Variants in BSPRY observed in about 807,000 individuals in gnomAD.
BSPRY encodes the protein B box and SPRY domain-containing protein.
A neutral mutation model predicts 38.0 loss-of-function variants in BSPRY; 33 were observed. That is an observed-to-expected ratio of 0.87 (90% CI 0.66 to 1.16). BSPRY has a LOEUF of 1.16. Among genes scored for constraint, BSPRY ranks in the 50% most tolerant of loss-of-function variants. The pLI, the probability that BSPRY is intolerant of heterozygous loss-of-function variation, is 0.00. For missense variants in BSPRY, 523 were observed against 533.2 expected, an observed-to-expected ratio of 0.98 and a Z score of 0.19; for synonymous variants, 224 against 228.5, an observed-to-expected ratio of 0.98 and a Z score of 0.18.
rs1284939366 is a variant in BSPRY at position 113,349,659 on chromosome 9, A to G, written c.80A>G (p.Gln27Arg). Residue 27 changes from glutamine (Q) to arginine (R), a missense_variant, in exon 1 of 6, where the codon CAG (glutamine) becomes CGG (arginine). By Grantham distance (43) the Gln-to-Arg change is conservative. Coordinates refer to ENST00000374183, the MANE Select transcript of BSPRY (RefSeq NM_017688.3). Reference protein sequence around the residue: ...GPGPLCPEHGQALSWFCGSER... With the variant: ...GPGPLCPEHGRALSWFCGSER... ...GGGCCACTCTGCCCCGAACACGGCC[A>G]GGCTCTGAGCTGGTTCTGCGGCTCC... is the stretch of plus-strand genomic sequence containing the variant. The G allele has an allele frequency of 1.2e-5, 15 of 1,236,644 alleles. No individual in the cohort carries two copies. Among genetic ancestry groups the G allele is most frequent in the Non-Finnish European group, 1.5e-5 (15 of 988,564 alleles). 76.6% of individuals were successfully genotyped at this position (1,236,644 alleles called of 1,614,324 possible).
intron 1 of BSPRY, among the ~76,000 whole-genome samples, chr9:113,353,406 T>G (rs1834001225): frequency 1.3e-5 from 2 of 150,428 alleles, no homozygotes; most frequent in Admixed American, 6.6e-5. Context: ...TAAATAAATT[T>G]AAAAAGAAAC....
chr9:113,371,020 CTGCTGGCT>C lies in BSPRY; in HGVS notation c.*879_*886del, dbSNP rs1834342830. On this transcript the variant is annotated 3_prime_UTR_variant, in exon 6 of 6. Coordinates refer to ENST00000374183, the MANE Select transcript of BSPRY (RefSeq NM_017688.3). The stretch of plus-strand genomic sequence containing the variant: ...TCTCCAGGTAACCCGACTGTAGCCC[CTGCTGGCT>C]GAGCTCCAGCCTGTGCCCACTGATA... 2 of 152,258 alleles carry C rather than the reference CTGCTGGCT, an allele frequency of 1.3e-5. No homozygotes were observed. Among genetic ancestry groups the C allele is most frequent in the Admixed American group, 6.5e-5 (1 of 15,290 alleles). 9.4% of individuals were successfully genotyped at this position (152,258 alleles called of 1,614,324 possible).
At chr9:113,365,679 CCTCACTCAG>C (rs1834235673) in intron 4 of BSPRY, among the ~76,000 whole-genome samples, 1 of 151,520 alleles carries the variant, frequency 6.6e-6, no homozygotes, top group East Asian at 1.9e-4. Context: ...TGCTTCTAGG[CCTCACTCAG>C]CTCACTCAGC....
At chr9:113,353,904 T>C (rs899265439) in intron 1 of BSPRY, among the ~76,000 whole-genome samples, 2 of 152,098 alleles carry the variant, frequency 1.3e-5, no homozygotes, top group Non-Finnish European at 2.9e-5. Context: ...ATTATAATGA[T>C]AGGCTGGGGT....
At chr9:113,362,312 A>G in intron 3 of BSPRY, 57 bp from the exon 4 acceptor site, 1 of 1,601,134 alleles carries the variant, frequency 6.2e-7, no homozygotes, top group Non-Finnish European at 8.6e-7. Flanking sequence ...CTGTCTTAGC[A>G]TTGACTCCCT....
chr9:113,350,437 A>C (rs1410503633), intron 1 of BSPRY, among the ~76,000 whole-genome samples: 1 of 152,210 alleles, frequency 6.6e-6, no homozygotes, highest in South Asian at 2.1e-4. Context: ...GGTAGGGAGA[A>C]TATCAGGGGA....
Position 113,369,676 on chromosome 9 carries a change from A to C in BSPRY, c.743A>C (p.Asp248Ala). 1.2e-6 allele frequency: 2 copies of C among 1,614,214 alleles called. No individual in the cohort carries two copies. The highest frequency in any genetic ancestry group is 2.7e-5 in the African/African-American group (2 of 75,062). Reference protein sequence around the residue: ...TVSPFLQLSDDRKTLTFSTKK... With the variant: ...TVSPFLQLSDARKTLTFSTKK... ...AGCCCCTTCCTGCAATTGTCAGATG[A>C]TCGAAAGACCCTGACCTTCAGCACC... The change falls in exon 6 of 6, where the codon GAT becomes GCT. Residue 248 changes from aspartate to alanine, a missense_variant. Transcript: ENST00000374183.
intron 5 of BSPRY, among the ~76,000 whole-genome samples, 159 bp downstream of exon 5, chr9:113,368,542 C>T (rs531175245): frequency 1.3e-5 from 2 of 152,306 alleles, no homozygotes; most frequent in African/African-American, 4.8e-5. Flanking sequence ...AGGTTCCAGA[C>T]AGGCCTGGGG....
Position 113,370,231 on chromosome 9 carries a change from G to A in BSPRY, c.*89G>A. 1 of 1,446,664 alleles carries A rather than the reference G, an allele frequency of 6.9e-7. No homozygotes were observed. Among genetic ancestry groups the A allele is most frequent in the Non-Finnish European group, 9.3e-7 (1 of 1,076,400 alleles). 89.6% of individuals were successfully genotyped at this position (1,446,664 alleles called of 1,614,324 possible). On this transcript the variant is annotated 3_prime_UTR_variant, in exon 6 of 6. Coordinates refer to ENST00000374183, the MANE Select transcript of BSPRY (RefSeq NM_017688.3). The surrounding 1 kb of genome is among the most constrained non-coding windows in gnomAD (Gnocchi z 4.8). Reference sequence around the variant, plus strand: ...GTGCTTTTCCCAAATGATGTGTGTGGTGTTTCTAAGAGAAACAGGGCCCAT... The same window carrying A: ...GTGCTTTTCCCAAATGATGTGTGTGATGTTTCTAAGAGAAACAGGGCCCAT...
chr9:113,368,529 T>A (rs1261578065), intron 5 of BSPRY, 146 bp downstream of exon 5: 5 of 1,150,032 alleles, frequency 4.3e-6, no homozygotes, highest in Non-Finnish European at 6.1e-6. Flanking sequence ...GTCAGTAGGG[T>A]CAAGGTTCCA....
chr9:113,367,681 C>G lies in BSPRY; in HGVS notation c.558-578C>G, dbSNP rs532958486. Among the ~76,000 whole-genome samples the G allele has an allele frequency of 2.0e-5, 3 of 152,332 alleles. No homozygotes were observed. In the South Asian group the frequency reaches 6.2e-4, roughly 32 times the overall value. On this transcript the variant is annotated intron_variant, in intron 4 of 5. Transcript: ENST00000374183. ...CTGGCAAGTTGCTTCCTCTGCAGAGCACACCACCTTCAATTTCTAATACTG... is the reference window on the plus strand; with the variant it reads ...CTGGCAAGTTGCTTCCTCTGCAGAGGACACCACCTTCAATTTCTAATACTG...
At chr9:113,360,337 G>A (rs1245648850) in intron 2 of BSPRY, among the ~76,000 whole-genome samples, 170 bp from the exon 3 acceptor site, 1 of 152,142 alleles carries the variant, frequency 6.6e-6, no homozygotes, top group Non-Finnish European at 1.5e-5. Context: ...GGGAAGTCTT[G>A]GGGCAGAGAT....
At position 113,352,529 on chromosome 9, in the gene BSPRY, G is replaced by A. The variant is rs529252189; in HGVS notation, c.202-1711G>A. 4.7e-5 allele frequency among the ~76,000 whole-genome samples: 7 copies of A among 147,462 alleles called. No individual in the cohort carries two copies. The South Asian group carries it at 1.5e-3, about 32-fold the overall frequency. On this transcript the variant is annotated intron_variant, in intron 1 of 5. Coordinates refer to ENST00000374183, the MANE Select transcript of BSPRY (RefSeq NM_017688.3). ...GACTGGTGGAAACGGAACTGCAGGT[G>A]CAAAGGCACTGAAGTCAGGACAAGT...
At chr9:113,362,475 T>C in intron 4 of BSPRY, 81 bp downstream of exon 4, 6 of 1,452,804 alleles carry the variant, frequency 4.1e-6, no homozygotes, top group Non-Finnish European at 5.8e-6. Flanking sequence ...TCAGCCCTGC[T>C]GCTCTTGGGA....
At position 113,370,209 on chromosome 9, in the gene BSPRY, C is replaced by A; in HGVS notation, c.*67C>A. 6.7e-7 allele frequency: 1 copy of A among 1,489,384 alleles called. No individual in the cohort carries two copies. The highest frequency in any genetic ancestry group is 9.0e-7 in the Non-Finnish European group (1 of 1,111,576). 92.3% of individuals were successfully genotyped at this position (1,489,384 alleles called of 1,614,324 possible). On this transcript the variant is annotated 3_prime_UTR_variant, in exon 6 of 6. Transcript: ENST00000374183. This position sits in a 1 kb window ranked among gnomAD's most constrained non-coding sequence, Gnocchi z 4.8. ...TCAGGCCATGTTTCTACTCAGTGTG[C>A]TTTTCCCAAATGATGTGTGTGGTGT...
rs901595073 is a variant in BSPRY, at chr9:113,370,224, G to A, written c.*82G>A. ...ACTCAGTGTGCTTTTCCCAAATGAT[G>A]TGTGTGGTGTTTCTAAGAGAAACAG... On this transcript the variant is annotated 3_prime_UTR_variant, in exon 6 of 6. Transcript: ENST00000374183. This position sits in a 1 kb window ranked among gnomAD's most constrained non-coding sequence, Gnocchi z 4.8. 2 of 1,460,674 alleles carry A rather than the reference G, an allele frequency of 1.4e-6. No individual in the cohort carries two copies. Among genetic ancestry groups the A allele is most frequent in the African/African-American group, 1.4e-5 (1 of 70,372 alleles). The allele number at this position is 1,460,674 out of a possible 1,614,324, so 90.5% of individuals were successfully genotyped here. A position where few individuals can be genotyped will look rare whatever the true frequency, so the allele number is the denominator to read the frequency against.
intron 5 of BSPRY, among the ~76,000 whole-genome samples, chr9:113,369,215 A>G (rs1834300224): frequency 6.6e-6 from 1 of 152,210 alleles, no homozygotes; most frequent in Admixed American, 6.5e-5. Context: ...TAGAAAGAGT[A>G]TAATCAGTGC....
rs764059957 is a variant in BSPRY at position 113,369,929 on chromosome 9, G to C, written c.996G>C (p.Gln332His). ...CCTGGGTCTTCTCTCGCTATGATCA[G>C]GAGTTTCGTTTCTCACACAATGGGC... ...AFSWVFSRYD[Q>H]EFRFSHNGQH... Residue 332 changes from glutamine to histidine, a missense_variant, in exon 6 of 6, where the codon CAG (glutamine) becomes CAC (histidine). Coordinates refer to ENST00000374183, the MANE Select transcript of BSPRY (RefSeq NM_017688.3). The C allele has an allele frequency of 1.2e-6, 2 of 1,614,192 alleles. No homozygotes were observed. The highest frequency in any genetic ancestry group is 2.2e-5 in the South Asian group (2 of 91,084).
In BSPRY at chr9:113,360,582, C is replaced by T. The variant is rs1459258200; in HGVS notation, c.376C>T (p.Gln126Ter). Residue 126 changes from glutamine to a stop codon, truncating the protein, a stop_gained, in exon 3 of 6, where the codon CAG becomes TAG. Coordinates refer to ENST00000374183, the MANE Select transcript of BSPRY (RefSeq NM_017688.3). LOFTEE classifies it high-confidence loss of function. ...LVRSLCESEE[Q>*]RLLEQVHGEE... Reference sequence around the variant, plus strand: ...GAGGAGTCTTTGCGAGAGCGAGGAGCAGCGGTTACTGGAACAGGTGCATGG... The same window carrying T: ...GAGGAGTCTTTGCGAGAGCGAGGAGTAGCGGTTACTGGAACAGGTGCATGG... The T allele has an allele frequency of 1.9e-6, 3 of 1,608,736 alleles. No homozygotes were observed. The highest frequency in any genetic ancestry group is 1.1e-5 in the South Asian group (1 of 89,688).
Sources: allele counts gnomAD v4.1 joint callset (sites outside exome capture counted in the v4.1 genomes callset), GRCh38; gene constraint gnomAD v4.1.1; non-coding constraint Gnocchi (gnomAD v3.1); transcripts MANE v1.5; gene names NCBI Gene and HGNC (gene_info 2026-07-23, HGNC 2026-07-21).